The following SAMMSON variants were observed in gnomAD, a reference collection of about 807,000 sequenced individuals.
The protein encoded by SAMMSON is survival associated mitochondrial melanoma specific oncogenic non-coding RNA.
intron 3 of SAMMSON, among the ~76,000 whole-genome samples, chr3:70,052,844 A>C (rs1393844927): frequency 6.6e-6 from 1 of 152,120 alleles, no homozygotes; most frequent in Non-Finnish European, 1.5e-5. Context: ...TTTGAGAAGC[A>C]CTGGCTTAGA....
chr3:70,242,202 C>T (rs1701671763), intron 4 of SAMMSON, among the ~76,000 whole-genome samples: 1 of 152,112 alleles, frequency 6.6e-6, no homozygotes, highest in African/African-American at 2.4e-5. Context: ...AGTATCTTTC[C>T]AACCTTTTTT....
intron 7 of SAMMSON, among the ~76,000 whole-genome samples, chr3:70,292,540 T>C (rs1188529174): frequency 6.6e-6 from 1 of 152,166 alleles, no homozygotes; most frequent in Non-Finnish European, 1.5e-5. Flanking sequence ...TGAGAGGCAT[T>C]AAAAAAGGAT....
At chr3:70,384,140 TCA>T (rs1266090630) in intron 9 of SAMMSON, among the ~76,000 whole-genome samples, 1 of 152,078 alleles carries the variant, frequency 6.6e-6, no homozygotes, top group Non-Finnish European at 1.5e-5. Context: ...TCTACACCAG[TCA>T]CACTGAGTCT....
At chr3:70,353,405 A>G (rs1702807866) in intron 7 of SAMMSON, among the ~76,000 whole-genome samples, 1 of 152,156 alleles carries the variant, frequency 6.6e-6, no homozygotes, top group African/African-American at 2.4e-5. Flanking sequence ...TCAGTAGAAA[A>G]TGGGTAAAAG....
chr3:70,118,365 G>A (rs540045635), intron 4 of SAMMSON, among the ~76,000 whole-genome samples: 44 of 152,280 alleles, frequency 2.9e-4, no homozygotes, highest in Middle Eastern at 3.4e-3. Context: ...ATGCCAGCAA[G>A]TTCAAATGTA....
At chr3:70,284,286 T>C (rs1167910402) in intron 6 of SAMMSON, among the ~76,000 whole-genome samples, 2 of 152,224 alleles carry the variant, frequency 1.3e-5, no homozygotes, top group Admixed American at 1.3e-4. Context: ...GATTTATTTC[T>C]GTAAACTGCT....
chr3:70,112,540 A>G (rs2067393948), intron 4 of SAMMSON, among the ~76,000 whole-genome samples: 1 of 152,134 alleles, frequency 6.6e-6, no homozygotes, highest in Non-Finnish European at 1.5e-5. Flanking sequence ...GGGAGAAAAG[A>G]CTAATATGGC....
chr3:70,224,310 T>A (rs1701484674), intron 4 of SAMMSON, among the ~76,000 whole-genome samples: 1 of 152,198 alleles, frequency 6.6e-6, no homozygotes, highest in African/African-American at 2.4e-5. Flanking sequence ...GGTGGATAAA[T>A]CCAATACATT....
At position 70,303,172 on chromosome 3, in the gene SAMMSON, G is replaced by T. The variant is rs1486981859; in HGVS notation, n.739+11929G>T. On this transcript the variant is annotated intron_variant and non_coding_transcript_variant, in intron 7 of 9. Coordinates refer to ENST00000642114, the Ensembl canonical transcript of SAMMSON. Reference sequence around the variant, plus strand: ...CTTGTGGAGAAGAGCATGGGTCATTGCTACTGGCTCTTAGAGTAGACATTA... The same window carrying T: ...CTTGTGGAGAAGAGCATGGGTCATTTCTACTGGCTCTTAGAGTAGACATTA... Among the ~76,000 whole-genome samples the T allele has an allele frequency of 2.0e-5, 3 of 152,098 alleles. No individual in the cohort carries two copies. In the South Asian group the frequency reaches 6.2e-4, roughly 32 times the overall value.
intron 7 of SAMMSON, among the ~76,000 whole-genome samples, chr3:70,336,649 ACAG>A (rs1166090566): frequency 6.6e-6 from 1 of 151,992 alleles, no homozygotes; most frequent in Non-Finnish European, 1.5e-5. Flanking sequence ...TAAGTAAACC[ACAG>A]CAGTTTGATG....
intron 4 of SAMMSON, among the ~76,000 whole-genome samples, chr3:70,078,200 C>G (rs1305194780): frequency 6.6e-6 from 1 of 152,108 alleles, no homozygotes; most frequent in African/African-American, 2.4e-5. Context: ...GCCCGTTGGA[C>G]AGTTACTCTT....
At chr3:70,065,947 G>A (rs963163495) in intron 3 of SAMMSON, among the ~76,000 whole-genome samples, 2 of 152,102 alleles carry the variant, frequency 1.3e-5, no homozygotes, top group Non-Finnish European at 2.9e-5. Flanking sequence ...CATATGGAAC[G>A]AAATCCCAAC....
intron 2 of SAMMSON, among the ~76,000 whole-genome samples, chr3:70,394,963 T>C (rs1419462094): frequency 6.6e-6 from 1 of 152,240 alleles, no homozygotes; most frequent in Non-Finnish European, 1.5e-5. Flanking sequence ...TTTTTTGAAA[T>C]CATGCATTAA....
chr3:70,205,817 A>G (rs931232673), intron 4 of SAMMSON: 1 of 152,110 alleles, frequency 6.6e-6, no homozygotes, highest in Non-Finnish European at 1.5e-5. Context: ...GAGAAACTCC[A>G]GGCTTTCTTT....
At chr3:70,256,031 C>G (rs1247049100) in intron 6 of SAMMSON, among the ~76,000 whole-genome samples, 1 of 152,152 alleles carries the variant, frequency 6.6e-6, no homozygotes, top group Non-Finnish European at 1.5e-5. Context: ...TGTAATAGTA[C>G]CACCCCAAAT....
chr3:70,173,768 T>C (rs1700981217), intron 4 of SAMMSON, among the ~76,000 whole-genome samples: 1 of 152,020 alleles, frequency 6.6e-6, no homozygotes, highest in African/African-American at 2.4e-5. Context: ...TTTAGTTTTT[T>C]TCTTTAAGAG....
At chr3:70,026,404 C>T (rs1000841817) in intron 3 of SAMMSON, among the ~76,000 whole-genome samples, 3 of 152,084 alleles carry the variant, frequency 2.0e-5, no homozygotes, top group Admixed American at 6.6e-5. Flanking sequence ...CAGTCTTTCT[C>T]ACTTGTCTCT....
chr3:70,347,182 T>C (rs1702758647), intron 7 of SAMMSON, among the ~76,000 whole-genome samples: 1 of 152,184 alleles, frequency 6.6e-6, no homozygotes. Flanking sequence ...ATCATCAGGG[T>C]GATTTCCTGA....
intron 6 of SAMMSON, among the ~76,000 whole-genome samples, chr3:70,289,709 G>C (rs996248647): frequency 6.6e-6 from 1 of 152,172 alleles, no homozygotes; most frequent in Non-Finnish European, 1.5e-5. Flanking sequence ...ATCAGACCTA[G>C]ATTTGGTCTT....
Sources: gnomAD v4.1 joint callset for allele counts (sites outside exome capture counted in the v4.1 genomes callset) on GRCh38, gnomAD v4.1.1 for gene constraint, MANE v1.5 for transcripts, NCBI Gene and HGNC (gene_info 2026-07-23, HGNC 2026-07-21) for gene names.